CDC42BPA: variants seen among roughly 807,000 people sequenced by gnomAD.
The protein encoded by CDC42BPA is serine/threonine-protein kinase MRCK alpha.
In CDC42BPA, 80 loss-of-function variants were observed where a neutral mutation model predicts 223.5. The ratio of observed to expected loss-of-function variants is 0.36; its 90% confidence interval spans 0.30 to 0.43. The LOEUF (loss-of-function observed/expected upper bound fraction) is 0.43. CDC42BPA is among the 20% of genes least tolerant of loss of function. CDC42BPA has a pLI of 1.00. For synonymous variants in CDC42BPA, 694 were observed against 718.6 expected (o/e 0.97, Z 0.55); for missense variants, 1,743 against 2,099.9 (o/e 0.83, Z 3.32).
chr1:227,258,268 G>C (rs527416275), intron 1 of CDC42BPA, among the ~76,000 whole-genome samples: 2 of 148,488 alleles, frequency 1.3e-5, no homozygotes, highest in Non-Finnish European at 3.0e-5. Flanking sequence ...AAGCAGTTTT[G>C]ATTTCTACTA....
chr1:227,265,862 C>A (rs931411053), intron 1 of CDC42BPA, among the ~76,000 whole-genome samples: 5 of 152,110 alleles, frequency 3.3e-5, no homozygotes, highest in African/African-American at 9.7e-5. Context: ...TGAACTCTAA[C>A]ACTTATAAGC....
At chr1:227,086,377 T>C (rs555624548) in intron 16 of CDC42BPA, among the ~76,000 whole-genome samples, 16 of 152,346 alleles carry the variant, frequency 1.1e-4, no homozygotes, top group African/African-American at 3.6e-4. Flanking sequence ...AGTATATGTT[T>C]AACTTTTTGA....
chr1:227,268,893 C>T (rs970755882), intron 1 of CDC42BPA, among the ~76,000 whole-genome samples: 2 of 151,898 alleles, frequency 1.3e-5, no homozygotes, highest in Non-Finnish European at 2.9e-5. Context: ...CCATGTTGCC[C>T]AGGCTGGTCT....
intron 1 of CDC42BPA, among the ~76,000 whole-genome samples, chr1:227,259,655 A>G (rs1306717695): frequency 6.6e-6 from 1 of 150,930 alleles, no homozygotes; most frequent in Non-Finnish European, 1.5e-5. Flanking sequence ...CCTCATTAAT[A>G]TTATAAGGCC....
At chr1:227,205,987 G>A (rs1171886161) in intron 3 of CDC42BPA, among the ~76,000 whole-genome samples, 1 of 152,154 alleles carries the variant, frequency 6.6e-6, no homozygotes, top group African/African-American at 2.4e-5. Flanking sequence ...GGCAGAGGCT[G>A]CAGTGAGCCA....
chr1:227,134,163 C>T (rs1010975198), intron 10 of CDC42BPA, among the ~76,000 whole-genome samples: 6 of 152,000 alleles, frequency 3.9e-5, no homozygotes, highest in African/African-American at 1.2e-4. Flanking sequence ...TTTTTTTCCT[C>T]TTTACTTTCT....
chr1:227,237,529 CT>C (rs1679271320), intron 2 of CDC42BPA, among the ~76,000 whole-genome samples: 1 of 152,194 alleles, frequency 6.6e-6, no homozygotes, highest in African/African-American at 2.4e-5. Context: ...GTACAGTGAA[CT>C]TTCTTGACTG....
In CDC42BPA at chr1:227,273,995, CAAAAAAAAA is replaced by C. The variant is rs10599884; in HGVS notation, c.179-19849_179-19841del. On this transcript the variant is annotated intron_variant, in intron 1 of 36. Transcript: ENST00000366766. ...ATAGTTTTCAAATATTCGTATACAC[CAAAAAAAAA>C]AAAAAAAAAAAAAAAAAGGAAGAGT... Among the ~76,000 whole-genome samples, 293 of 57,010 alleles carry C rather than the reference CAAAAAAAAA, an allele frequency of 5.1e-3. 2 individuals are homozygous for C. The highest frequency in any genetic ancestry group is 0.017 in the African/African-American group (269 of 15,678). The allele number at this position is 57,010 out of a possible 152,430, so 37.4% of individuals were successfully genotyped here. A position where few individuals can be genotyped will look rare whatever the true frequency, so the allele number is the denominator to read the frequency against.
intron 4 of CDC42BPA, among the ~76,000 whole-genome samples, chr1:227,195,678 G>A (rs1400174868): frequency 7.2e-6 from 1 of 139,310 alleles, no homozygotes; most frequent in Non-Finnish European, 1.5e-5. Context: ...AATCTATTCT[G>A]CTATGGTTAC....
chr1:227,289,091 A>ACT (rs1447035073), intron 1 of CDC42BPA, among the ~76,000 whole-genome samples: 1 of 151,956 alleles, frequency 6.6e-6, no homozygotes, highest in Non-Finnish European at 1.5e-5. Context: ...TCAAGGCACT[A>ACT]CTCTCTCTCT....
chr1:227,242,190 T>C (rs1009894460), intron 2 of CDC42BPA, among the ~76,000 whole-genome samples: 3 of 152,112 alleles, frequency 2.0e-5, no homozygotes, highest in Non-Finnish European at 2.9e-5. Context: ...AAAACAGATA[T>C]AGATGGAGCT....
At position 226,994,921 on chromosome 1, in the gene CDC42BPA, C is replaced by T; in HGVS notation, c.5035G>A (p.Ala1679Thr). Residue 1679 changes from alanine (A) to threonine (T), a missense_variant, in exon 36 of 37, where the codon GCC becomes ACC. This residue lies in a region of CDC42BPA where 200 missense variants were observed against 192.8 expected (regional missense o/e 1.04). Transcript: ENST00000366766. The surrounding 1 kb of genome is among the most constrained non-coding windows in gnomAD (Gnocchi z 4.0). ...KREFSGGSYS[A>T]KRQPMPSPSE... ...GGGGAGGGCATGGGCTGCCGCTTGG[C>T]ACTGTAGCTTCCTCCAGAGAATTCC... is the stretch of plus-strand genomic sequence containing the variant. The T allele has an allele frequency of 6.2e-7, 1 of 1,614,166 alleles. No individual in the cohort carries two copies. Among genetic ancestry groups the T allele is most frequent in the Non-Finnish European group, 8.5e-7 (1 of 1,179,992 alleles).
intron 1 of CDC42BPA, among the ~76,000 whole-genome samples, chr1:227,264,620 T>G (rs1684667961): frequency 7.0e-6 from 1 of 143,464 alleles, no homozygotes; most frequent in African/African-American, 3.0e-5. Flanking sequence ...AACAATTCAG[T>G]TAAGAGTATA....
At chr1:227,137,930 G>A (rs1033751467) in intron 10 of CDC42BPA, among the ~76,000 whole-genome samples, 2 of 152,094 alleles carry the variant, frequency 1.3e-5, no homozygotes, top group Non-Finnish European at 2.9e-5. Flanking sequence ...GAATATGGGT[G>A]AAGGTTACAT....
chr1:227,222,077 A>T (rs906088754), intron 2 of CDC42BPA, among the ~76,000 whole-genome samples: 1 of 144,874 alleles, frequency 6.9e-6, no homozygotes, highest in African/African-American at 2.5e-5. Context: ...AAAAAAAAAA[A>T]AATTAATTAG....
chr1:227,112,902 C>T lies in CDC42BPA; in HGVS notation c.1659G>A (p.Gln553=). 1 of 1,613,824 alleles carries T rather than the reference C, an allele frequency of 6.2e-7. No individual in the cohort carries two copies. The highest frequency in any genetic ancestry group is 2.2e-5 in the East Asian group (1 of 44,862). ...ATTGGTTTTTTAATCGCTCACTAGCCTGGACTAGTTCCTACAGTTTTGTAA... is the reference window on the plus strand; with the variant it reads ...ATTGGTTTTTTAATCGCTCACTAGCTTGGACTAGTTCCTACAGTTTTGTAA... The part of the protein sequence containing the change: ...EREDLNKELV[Q]ASERLKNQSK... Residue 553 remains glutamine (Q), a synonymous_variant, in exon 13 of 37, where the codon CAG becomes CAA. Transcript: ENST00000366766.
At chr1:227,105,921 T>TA (rs1321153419) in intron 14 of CDC42BPA, among the ~76,000 whole-genome samples, 1 of 152,198 alleles carries the variant, frequency 6.6e-6, no homozygotes, top group Admixed American at 6.5e-5. Flanking sequence ...AAGCATCTAT[T>TA]AGAGTTCCTA....
Position 227,090,034 on chromosome 1 carries a change from A to G in CDC42BPA, c.2355+1852T>C, listed in dbSNP as rs138317277. Among the ~76,000 whole-genome samples the G allele has an allele frequency of 3.4e-3, 522 of 152,292 alleles. 3 individuals are homozygous for G. The highest frequency in any genetic ancestry group is 0.012 in the African/African-American group (492 of 41,572). On this transcript the variant is annotated intron_variant, in intron 16 of 36. Transcript: ENST00000366766. The stretch of plus-strand genomic sequence containing the variant: ...ATAACAATTATTGACCTGCTTGGAT[A>G]AAGTTCAAATATTGTTAGTCTTATT...
chr1:227,174,661 T>A (rs1666663226), intron 5 of CDC42BPA, among the ~76,000 whole-genome samples: 2 of 152,150 alleles, frequency 1.3e-5, no homozygotes, highest in Admixed American at 1.3e-4. Flanking sequence ...TAATCAAAAA[T>A]CTTGACTATG....
Sources: allele counts gnomAD v4.1 joint callset (sites outside exome capture counted in the v4.1 genomes callset), GRCh38; gene constraint gnomAD v4.1.1; regional missense constraint gnomAD v4.1.1; non-coding constraint Gnocchi (gnomAD v3.1); transcripts MANE v1.5; gene names NCBI Gene and HGNC (gene_info 2026-07-23, HGNC 2026-07-21).